The following SCTR variants were observed in gnomAD, a reference collection of about 807,000 sequenced individuals.
The protein encoded by SCTR is pancreatic secretin receptor.
Under a neutral mutation model 60.8 loss-of-function variants are expected in SCTR, and 56 were observed. The observed-to-expected ratio is 0.92, with a 90% confidence interval of 0.74 to 1.15. The LOEUF is 1.15. SCTR is among the 50% of genes most tolerant of loss of function. The pLI is 0.00. For missense variants in SCTR, 562 were observed against 550.4 expected (o/e 1.02, Z -0.21); for synonymous variants, 202 against 217.0 (o/e 0.93, Z 0.61).
chr2:119,524,112 C>A, intron 1 of SCTR, 43 bp downstream of exon 1: 1 of 1,491,456 alleles, frequency 6.7e-7, no homozygotes, highest in Non-Finnish European at 9.1e-7. Context: ...GCGAGACTGT[C>A]GCTCCCTCGG....
chr2:119,453,837 G>A (rs574281884), intron 7 of SCTR, among the ~76,000 whole-genome samples: 15 of 152,160 alleles, frequency 9.9e-5, no homozygotes. Flanking sequence ...TAACAGCTAA[G>A]GTAAGCCATC....
At chr2:119,472,420 TGAG>T (rs1179769487) in intron 4 of SCTR, among the ~76,000 whole-genome samples, 1 of 152,264 alleles carries the variant, frequency 6.6e-6, no homozygotes, top group African/African-American at 2.4e-5. Context: ...ACAGTGTGCA[TGAG>T]ATTTGAGAGA....
intron 2 of SCTR, 106 bp from the exon 3 acceptor site, chr2:119,479,024 A>T: frequency 2.0e-6 from 3 of 1,531,146 alleles, no homozygotes; most frequent in Non-Finnish European, 2.6e-6. Context: ...TTCCCACTAG[A>T]CTACTTTCAA....
Position 119,464,142 on chromosome 2 carries a change from G to C in SCTR, c.617C>G (p.Thr206Ser), listed in dbSNP as rs971808980. The C allele has an allele frequency of 2.5e-6, 4 of 1,614,224 alleles. No individual in the cohort carries two copies. The highest frequency in any genetic ancestry group is 3.4e-6 in the Non-Finnish European group (4 of 1,180,050). The change falls in exon 6 of 13, where the codon ACC (threonine) becomes AGC (serine). Residue 206 changes from threonine to serine, a missense_variant. Transcript: ENST00000019103. The stretch of plus-strand genomic sequence containing the variant: ...TATTACCCTGTGGGCATCGCAGTAG[G>C]TGACATCATCTGAGGAGAAGAGCAC... ...DAVLFSSDDV[T>S]YCDAHRAGCK...
intron 5 of SCTR, among the ~76,000 whole-genome samples, chr2:119,464,729 T>A (rs1404729253): frequency 6.6e-6 from 1 of 152,154 alleles, no homozygotes; most frequent in Non-Finnish European, 1.5e-5. Context: ...ACTTTGTCTC[T>A]AAATGAATAA....
chr2:119,441,972 C>A (rs1337240492), intron 11 of SCTR, among the ~76,000 whole-genome samples: 7 of 152,186 alleles, frequency 4.6e-5, no homozygotes, highest in Non-Finnish European at 7.4e-5. Context: ...CAGGGTGAGA[C>A]CCTGGGCCCT....
At chr2:119,462,225 CA>C (rs1461745524) in intron 6 of SCTR, among the ~76,000 whole-genome samples, 1 of 152,152 alleles carries the variant, frequency 6.6e-6, no homozygotes, top group Non-Finnish European at 1.5e-5. Context: ...GCTGGCCAAT[CA>C]ATGAGCCATC....
chr2:119,453,445 G>A (rs760112878), intron 7 of SCTR, 98 bp from the exon 8 acceptor site: 38 of 911,898 alleles, frequency 4.2e-5, no homozygotes, highest in South Asian at 4.2e-5. Flanking sequence ...CCCAGCTACT[G>A]AGCAGGTGCC....
At chr2:119,510,744 A>G (rs955518065) in intron 1 of SCTR, among the ~76,000 whole-genome samples, 1 of 152,104 alleles carries the variant, frequency 6.6e-6, no homozygotes, top group Non-Finnish European at 1.5e-5. Flanking sequence ...TTTAAAATTG[A>G]GTTTGTATAA....
chr2:119,504,783 A>G lies in SCTR; in HGVS notation c.73-10235T>C, dbSNP rs374663713. On this transcript the variant is annotated intron_variant, in intron 1 of 12. Coordinates refer to ENST00000019103, the MANE Select transcript of SCTR (RefSeq NM_002980.3). ...AACCATGTTAAGAAGATGAAGAGAC[A>G]AGCTATGGAATCGGAGAAAATGTTT... Among the ~76,000 whole-genome samples the G allele has an allele frequency of 3.0e-4, 46 of 152,260 alleles. 1 individual carries two copies. The South Asian group carries it at 8.9e-3, about 29-fold the overall frequency.
At chr2:119,521,451 G>T (rs116601708) in intron 1 of SCTR, among the ~76,000 whole-genome samples, 1,783 of 152,242 alleles carry the variant, frequency 0.012, 39 homozygotes, top group African/African-American at 0.039. Context: ...TGTGCATATT[G>T]GGGTTTGGGG....
chr2:119,523,299 G>T (rs1316109086), intron 1 of SCTR, among the ~76,000 whole-genome samples: 3 of 151,774 alleles, frequency 2.0e-5, no homozygotes, highest in Non-Finnish European at 4.4e-5. Flanking sequence ...TCTGGGTGGG[G>T]CCACTCTCTT....
At chr2:119,493,284 C>T (rs947055350) in intron 2 of SCTR, among the ~76,000 whole-genome samples, 10 of 152,170 alleles carry the variant, frequency 6.6e-5, no homozygotes, top group African/African-American at 2.4e-4. Context: ...GATGGATAAA[C>T]CACATTTTGT....
chr2:119,475,824 T>C (rs1224513152), intron 3 of SCTR, among the ~76,000 whole-genome samples: 1 of 151,470 alleles, frequency 6.6e-6, no homozygotes, highest in East Asian at 1.9e-4. Flanking sequence ...CCTAATCAGG[T>C]TGGGAAGCAT....
chr2:119,452,996 G>A (rs936069426), intron 8 of SCTR, among the ~76,000 whole-genome samples: 6 of 152,134 alleles, frequency 3.9e-5, no homozygotes, highest in Non-Finnish European at 8.8e-5. Flanking sequence ...TTTCTTCCAT[G>A]GAGCAACACC....
At position 119,494,477 on chromosome 2, in the gene SCTR, T is replaced by G; in HGVS notation, c.144A>C (p.Glu48Asp). ...GGTCTCCTGTCTGCTCTCTGGAGAG[T>G]TCCTGCAGGCACTGGTCTTGCTCTT... ...LWEEQDQCLQ[E>D]LSREQTGDLG... Residue 48 changes from glutamate (E) to aspartate (D), a missense_variant, in exon 2 of 13, where the codon GAA (glutamate) becomes GAC (aspartate). Physicochemically the swap from Glu to Asp is conservative, Grantham distance 45 (BLOSUM62 2). Transcript: ENST00000019103. 3.1e-6 allele frequency: 5 copies of G among 1,613,812 alleles called. No homozygotes were observed. The highest frequency in any genetic ancestry group is 4.2e-6 in the Non-Finnish European group (5 of 1,179,872).
At chr2:119,518,064 G>T (rs1679169794) in intron 1 of SCTR, among the ~76,000 whole-genome samples, 1 of 152,136 alleles carries the variant, frequency 6.6e-6, no homozygotes, top group Non-Finnish European at 1.5e-5. Flanking sequence ...GCCACATGAG[G>T]ACAAAGTGGC....
In SCTR at chr2:119,453,282, C is replaced by T. The variant is rs531945953; in HGVS notation, c.851+5G>A. On this transcript the variant is annotated splice_donor_5th_base_variant and intron_variant, in intron 8 of 12. Coordinates refer to ENST00000019103, the MANE Select transcript of SCTR (RefSeq NM_002980.3). The stretch of plus-strand genomic sequence containing the variant: ...ATTCTTGTTATCCTCCTTCCGTTAG[C>T]TTACCCAACATCTTCCAGAAAGTGT... 33 of 1,604,088 alleles carry T rather than the reference C, an allele frequency of 2.1e-5. No individual in the cohort carries two copies. The South Asian group carries it at 3.6e-4, about 18-fold the overall frequency.
At chr2:119,478,213 T>C (rs996020854) in intron 3 of SCTR, among the ~76,000 whole-genome samples, 4 of 152,272 alleles carry the variant, frequency 2.6e-5, no homozygotes, top group African/African-American at 7.2e-5. Flanking sequence ...TCCTGTGATC[T>C]GCAGGGGGTT....
Sources: gnomAD v4.1 joint callset for allele counts (sites outside exome capture counted in the v4.1 genomes callset) on GRCh38, gnomAD v4.1.1 for gene constraint, MANE v1.5 for transcripts, NCBI Gene and HGNC (gene_info 2026-07-23, HGNC 2026-07-21) for gene names.